Variants in MAP6 observed in about 807,000 individuals in gnomAD.
MAP6 encodes the protein microtubule-associated protein 6.
In MAP6, 26 loss-of-function variants were observed where a neutral mutation model predicts 42.4. The observed-to-expected ratio is 0.61, with a 90% CI of 0.45 to 0.85. The LOEUF (loss-of-function observed/expected upper bound fraction) is 0.85, where lower values mean the gene tolerates loss of function less well. Ranked by LOEUF, MAP6 falls within the 40% of genes least tolerant of loss-of-function variation. The pLI is 0.00. For missense variants in MAP6, 966 were observed against 1,099.0 expected, an observed-to-expected ratio of 0.88 and a Z score of 1.71; for synonymous variants, 418 against 443.8, an observed-to-expected ratio of 0.94 and a Z score of 0.73.
At position 75,605,917 on chromosome 11, in the gene MAP6, C is replaced by T. The variant is rs1280112183; in HGVS notation, c.1207G>A (p.Val403Met). The change falls in exon 3 of 4, where the codon GTG becomes ATG. Residue 403 changes from valine (V) to methionine (M), a missense_variant. Coordinates refer to ENST00000304771, the MANE Select transcript of MAP6 (RefSeq NM_033063.2). ...PTRKAKDKQA[V>M]SGQAAKKKSA... Reference sequence around the variant, plus strand: ...TTTTTCTTGGCAGCCTGGCCTGACACCGCCTGCTTGTCTTTGGCCTTCCTC... The same window carrying T: ...TTTTTCTTGGCAGCCTGGCCTGACATCGCCTGCTTGTCTTTGGCCTTCCTC... 9 of 1,614,156 alleles carry T rather than the reference C, an allele frequency of 5.6e-6. No homozygotes were observed. Among genetic ancestry groups the T allele is most frequent in the East Asian group, 2.2e-5 (1 of 44,876 alleles).
intron 1 of MAP6, among the ~76,000 whole-genome samples, chr11:75,613,958 C>T (rs1391556360): frequency 2.6e-5 from 4 of 152,186 alleles, no homozygotes. Flanking sequence ...TTCACAGCAG[C>T]TGCCAAAGCA....
At chr11:75,602,639 T>C (rs1942684105) in intron 3 of MAP6, among the ~76,000 whole-genome samples, 1 of 152,190 alleles carries the variant, frequency 6.6e-6, no homozygotes, top group Non-Finnish European at 1.5e-5. Context: ...ACTACCTTTT[T>C]GGCCAGTGCG....
At chr11:75,626,405 G>C (rs1359433114) in intron 1 of MAP6, among the ~76,000 whole-genome samples, 1 of 152,158 alleles carries the variant, frequency 6.6e-6, no homozygotes, top group African/African-American at 2.4e-5. Flanking sequence ...GGAAGCAGCA[G>C]GAGCCACTCA....
At chr11:75,601,289 A>G (rs1239643220) in intron 3 of MAP6, among the ~76,000 whole-genome samples, 1 of 150,876 alleles carries the variant, frequency 6.6e-6, no homozygotes. Context: ...CTACCTCTCT[A>G]CTTCTCGCCT....
chr11:75,659,848 A>T (rs1463282088), intron 1 of MAP6, among the ~76,000 whole-genome samples: 1 of 152,254 alleles, frequency 6.6e-6, no homozygotes, highest in Non-Finnish European at 1.5e-5. Context: ...TTGATTTAGA[A>T]CTATCACTGG....
intron 2 of MAP6, chr11:75,607,467 T>C (rs911968885): frequency 2.0e-6 from 2 of 985,448 alleles, no homozygotes; most frequent in East Asian, 1.1e-4. Context: ...CGAACTCCTA[T>C]GTAAGGTGGA....
intron 3 of MAP6, among the ~76,000 whole-genome samples, chr11:75,595,856 C>T (rs1942570289): frequency 6.6e-6 from 1 of 151,976 alleles, no homozygotes; most frequent in South Asian, 2.1e-4. Flanking sequence ...CCCTCCCCTC[C>T]TCTCCTCTCT....
intron 3 of MAP6, among the ~76,000 whole-genome samples, chr11:75,602,249 C>A (rs545540700): frequency 6.6e-6 from 1 of 152,200 alleles, no homozygotes; most frequent in South Asian, 2.1e-4. Context: ...CTCCCTCTGC[C>A]ACAGAGCCTT....
In MAP6 at chr11:75,662,724, C is replaced by A. The variant is rs140489759; in HGVS notation, c.905+4741G>T. On this transcript the variant is annotated intron_variant, in intron 1 of 3. Coordinates refer to ENST00000304771, the MANE Select transcript of MAP6 (RefSeq NM_033063.2). ...TAACGTGAGTTGCACATTAGAATCA[C>A]TTGAAGTAGTTTTTAAAAACTTGGT... Among the ~76,000 whole-genome samples the A allele has an allele frequency of 1.6e-3, 241 of 152,266 alleles. 1 individual carries two copies. The highest frequency in any genetic ancestry group is 6.8e-3 in the Middle Eastern group (2 of 294).
intron 1 of MAP6, among the ~76,000 whole-genome samples, chr11:75,626,010 G>T (rs1261880516): frequency 6.6e-6 from 1 of 152,092 alleles, no homozygotes; most frequent in East Asian, 1.9e-4. Flanking sequence ...TTTCTAGAAT[G>T]CTCTCCCAGG....
chr11:75,646,602 C>T (rs1302793657), intron 1 of MAP6, among the ~76,000 whole-genome samples: 1 of 150,250 alleles, frequency 6.7e-6, no homozygotes, highest in Non-Finnish European at 1.5e-5. Flanking sequence ...GTTGGGAGTT[C>T]GAGGCCAGCC....
At chr11:75,606,078 A>C in intron 2 of MAP6, 74 bp from the exon 3 acceptor site, 1 of 1,537,600 alleles carries the variant, frequency 6.5e-7, no homozygotes, top group East Asian at 2.3e-5. Context: ...GAGAGAAAAG[A>C]TATGGTTAAT....
chr11:75,623,531 C>T (rs2135619012), intron 1 of MAP6, among the ~76,000 whole-genome samples: 1 of 152,256 alleles, frequency 6.6e-6, no homozygotes, highest in South Asian at 2.1e-4. Context: ...CTCTGATGCT[C>T]ACCTTCTTTG....
intron 3 of MAP6, among the ~76,000 whole-genome samples, chr11:75,599,453 T>G (rs1285721214): frequency 6.6e-6 from 1 of 152,224 alleles, no homozygotes; most frequent in Non-Finnish European, 1.5e-5. Context: ...CAATTCTGCA[T>G]TTAGTAACCT....
intron 1 of MAP6, among the ~76,000 whole-genome samples, chr11:75,659,632 T>G (rs920303589): frequency 2.0e-5 from 3 of 152,216 alleles, no homozygotes; most frequent in African/African-American, 7.2e-5. Context: ...ATGGTGAAAC[T>G]AGAAGTTTTT....
chr11:75,607,550 ATATAT>A, intron 2 of MAP6: 3 of 985,486 alleles, frequency 3.0e-6, no homozygotes, highest in Non-Finnish European at 2.4e-6. Flanking sequence ...TGCTGGGAAC[ATATAT>A]TATAGCTGAT....
chr11:75,620,907 G>C (rs770323044), intron 1 of MAP6, among the ~76,000 whole-genome samples: 41 of 152,176 alleles, frequency 2.7e-4, no homozygotes, highest in Non-Finnish European at 4.7e-4. Context: ...GAGGCGGGTG[G>C]ATCATGAGGT....
At position 75,667,399 on chromosome 11, in the gene MAP6, C is replaced by A; in HGVS notation, c.905+66G>T. The stretch of plus-strand genomic sequence containing the variant: ...CTAGGCCTGCGCTGGGGATCCTGGG[C>A]CCCGGGCAGCCCGCGGGGAGGGTCT... On this transcript the variant is annotated intron_variant, in intron 1 of 3. Coordinates refer to ENST00000304771, the MANE Select transcript of MAP6 (RefSeq NM_033063.2). This position sits in a 1 kb window ranked among gnomAD's most constrained non-coding sequence, Gnocchi z 5.6. 1.5e-6 allele frequency: 2 copies of A among 1,354,344 alleles called. No individual in the cohort carries two copies. Among genetic ancestry groups the A allele is most frequent in the Non-Finnish European group, 1.9e-6 (2 of 1,046,344 alleles). The allele number at this position is 1,354,344 out of a possible 1,614,324, so 83.9% of individuals were successfully genotyped here.
intron 1 of MAP6, among the ~76,000 whole-genome samples, chr11:75,658,314 T>C (rs563498579): frequency 1.3e-5 from 2 of 152,178 alleles, no homozygotes; most frequent in African/African-American, 2.4e-5. Flanking sequence ...GTACCGAACA[T>C]CTCCATGTAG....
Sources: allele counts gnomAD v4.1 joint callset (sites outside exome capture counted in the v4.1 genomes callset), GRCh38; gene constraint gnomAD v4.1.1; non-coding constraint Gnocchi (gnomAD v3.1); transcripts MANE v1.5; gene names NCBI Gene and HGNC (gene_info 2026-07-23, HGNC 2026-07-21).